The following SCAPER variants were observed in gnomAD, a reference collection of about 807,000 sequenced individuals.
SCAPER encodes the protein S phase cyclin A-associated protein in the endoplasmic reticulum.
Under a neutral mutation model 182.2 loss-of-function variants are expected in SCAPER, and 98 were observed. The observed-to-expected ratio is 0.54, with a 90% CI of 0.46 to 0.64. The LOEUF is 0.64. SCAPER is among the 30% of genes least tolerant of loss of function. The pLI, the probability that SCAPER is intolerant of heterozygous loss-of-function variation, is 0.00. For missense variants in SCAPER, 1,432 were observed against 1,690.0 expected (o/e 0.85, Z 2.68); for synonymous variants, 605 against 564.6 (o/e 1.07, Z -1.01).
At chr15:76,488,277 T>C (rs1253162258) in intron 24 of SCAPER, among the ~76,000 whole-genome samples, 2 of 152,184 alleles carry the variant, frequency 1.3e-5, no homozygotes, top group Non-Finnish European at 2.9e-5. Flanking sequence ...AGAATCCTGG[T>C]GCTCAAGGGC....
At chr15:76,795,476 T>C in intron 7 of SCAPER, 36 bp from the exon 8 acceptor site, 1 of 1,404,988 alleles carries the variant, frequency 7.1e-7, no homozygotes, top group Non-Finnish European at 9.3e-7. Flanking sequence ...ATAAATTAAA[T>C]ATAAAAGAAA....
chr15:76,452,971 C>T (rs1435378389), intron 25 of SCAPER, among the ~76,000 whole-genome samples: 2 of 152,050 alleles, frequency 1.3e-5, no homozygotes, highest in Non-Finnish European at 2.9e-5. Context: ...GCTGGGATTA[C>T]GGGTGTGTGC....
chr15:76,830,357 C>T (rs1440496521), intron 5 of SCAPER, among the ~76,000 whole-genome samples: 1 of 152,070 alleles, frequency 6.6e-6, no homozygotes, highest in African/African-American at 2.4e-5. Context: ...ATGAGAGAGA[C>T]ATATTTGTCA....
chr15:76,825,743 T>C (rs1308634272), intron 5 of SCAPER, among the ~76,000 whole-genome samples: 3 of 152,158 alleles, frequency 2.0e-5, no homozygotes, highest in African/African-American at 7.2e-5. Context: ...GATCTGTTTT[T>C]TCTTTTGTTT....
chr15:76,567,758 C>A (rs1220021440), intron 23 of SCAPER, among the ~76,000 whole-genome samples: 2 of 152,098 alleles, frequency 1.3e-5, no homozygotes, highest in Non-Finnish European at 2.9e-5. Context: ...TCCTTCTATA[C>A]TCTGGATGCC....
intron 4 of SCAPER, among the ~76,000 whole-genome samples, chr15:76,847,998 C>G (rs1334802435): frequency 6.6e-6 from 1 of 152,100 alleles, no homozygotes; most frequent in African/African-American, 2.4e-5. Context: ...ATCTGAAGTA[C>G]AAAAATAAAG....
At chr15:76,629,205 C>G (rs2052867446) in intron 21 of SCAPER, among the ~76,000 whole-genome samples, 2 of 152,234 alleles carry the variant, frequency 1.3e-5, no homozygotes, top group Admixed American at 1.3e-4. Context: ...CATCTGCGAA[C>G]AAAGACACTT....
chr15:76,440,732 C>A (rs1329042754), intron 25 of SCAPER, among the ~76,000 whole-genome samples: 1 of 152,034 alleles, frequency 6.6e-6, no homozygotes, highest in Non-Finnish European at 1.5e-5. Context: ...ATGCAACAGT[C>A]TTTTTGCCAC....
intron 23 of SCAPER, among the ~76,000 whole-genome samples, chr15:76,547,846 G>T (rs2045426211): frequency 6.6e-6 from 1 of 151,966 alleles, no homozygotes; most frequent in Non-Finnish European, 1.5e-5. Context: ...GCTTTAAAAA[G>T]TCTTGTTTAT....
chr15:76,676,542 T>C (rs1445500219), intron 20 of SCAPER, among the ~76,000 whole-genome samples: 1 of 152,128 alleles, frequency 6.6e-6, no homozygotes, highest in South Asian at 2.1e-4. Flanking sequence ...AAAATTGCCA[T>C]AATGAAATAG....
chr15:76,728,245 G>T (rs1472546114), intron 17 of SCAPER, among the ~76,000 whole-genome samples: 1 of 149,408 alleles, frequency 6.7e-6, no homozygotes, highest in Non-Finnish European at 1.5e-5. Context: ...ATCCACTGCT[G>T]TGACTCTTGT....
chr15:76,769,860 A>G lies in SCAPER; in HGVS notation c.1248+1882T>C, dbSNP rs145468330. ...CCAGCGATCCCATTACTGGGCATATACCCAAAGGATTATAAATCATTCTAC... is the reference window on the plus strand; with the variant it reads ...CCAGCGATCCCATTACTGGGCATATGCCCAAAGGATTATAAATCATTCTAC... On this transcript the variant is annotated intron_variant, in intron 10 of 31. Transcript: ENST00000563290. 2.0e-5 allele frequency among the ~76,000 whole-genome samples: 3 copies of G among 152,296 alleles called. No homozygotes were observed. In the East Asian group the frequency reaches 5.8e-4, roughly 29 times the overall value.
chr15:76,621,067 G>A lies in SCAPER; in HGVS notation c.2711+697C>T, dbSNP rs145817801. ...ATATAAATATCTGAGCACATTTTGC[G>A]CTATTCCACTGAGCAGGCTTAGGTC... On this transcript the variant is annotated intron_variant, in intron 22 of 31. Coordinates refer to ENST00000563290, the MANE Select transcript of SCAPER (RefSeq NM_020843.4). 2.8e-4 allele frequency among the ~76,000 whole-genome samples: 43 copies of A among 152,190 alleles called. 1 individual carries two copies. The Middle Eastern group carries it at 0.01, about 36-fold the overall frequency.
chr15:76,756,453 CTG>C (rs1476681863), intron 14 of SCAPER, among the ~76,000 whole-genome samples: 1 of 152,048 alleles, frequency 6.6e-6, no homozygotes, highest in Non-Finnish European at 1.5e-5. Context: ...TGGCATGTGC[CTG>C]TAATCTTGGT....
chr15:76,770,707 G>C (rs1261762235), intron 10 of SCAPER, among the ~76,000 whole-genome samples: 1 of 151,884 alleles, frequency 6.6e-6, no homozygotes. Context: ...GATTCTCACA[G>C]AATCAAACTG....
chr15:76,763,168 A>G (rs1449226038), intron 14 of SCAPER, among the ~76,000 whole-genome samples: 1 of 152,050 alleles, frequency 6.6e-6, no homozygotes, highest in Non-Finnish European at 1.5e-5. Flanking sequence ...AACTCCCTCA[A>G]TTTTCATGTG....
intron 17 of SCAPER, among the ~76,000 whole-genome samples, chr15:76,727,976 A>T (rs1008640496): frequency 1.2e-4 from 19 of 152,146 alleles, no homozygotes; most frequent in Non-Finnish European, 2.8e-4. Flanking sequence ...ATCAGGGACA[A>T]GTAGAAAAGC....
rs563023911 is a variant in SCAPER at position 76,844,009 on chromosome 15, A to G, written c.196-2078T>C. Among the ~76,000 whole-genome samples, 8 of 152,282 alleles carry G rather than the reference A, an allele frequency of 5.3e-5. No homozygotes were observed. In the East Asian group the frequency reaches 1.5e-3, roughly 29 times the overall value. ...GCAATTTTATATTACCAGTACTAAT[A>G]TTATCTCCATTTTACAGAGGAGGAA... On this transcript the variant is annotated intron_variant, in intron 4 of 31. Coordinates refer to ENST00000563290, the MANE Select transcript of SCAPER (RefSeq NM_020843.4).
intron 14 of SCAPER, among the ~76,000 whole-genome samples, chr15:76,756,048 G>T (rs2062403910): frequency 6.6e-6 from 1 of 152,030 alleles, no homozygotes; most frequent in Admixed American, 6.5e-5. Context: ...TTCGAGACCA[G>T]CCTGGCCAAC....
Sources: allele counts gnomAD v4.1 joint callset (sites outside exome capture counted in the v4.1 genomes callset), GRCh38; gene constraint gnomAD v4.1.1; transcripts MANE v1.5; gene names NCBI Gene and HGNC (gene_info 2026-07-23, HGNC 2026-07-21).